IGF1R: variants seen among roughly 807,000 people sequenced by gnomAD.
IGF1R encodes the protein insulin like growth factor 1 receptor, also known as insulin-like growth factor 1 receptor.
In IGF1R, 44 loss-of-function variants were observed where a neutral mutation model predicts 144.6. The ratio of observed to expected loss-of-function variants is 0.30; its 90% CI spans 0.24 to 0.39. The LOEUF is 0.39. IGF1R is among the 10% of genes least tolerant of loss of function. The pLI is 1.00. For synonymous variants in IGF1R, 795 were observed against 722.8 expected (o/e 1.10, Z -1.60); for missense variants, 1,355 against 1,833.7 (o/e 0.74, Z 4.77).
In IGF1R at chr15:98,689,090, C is replaced by T. The variant is rs543463668; in HGVS notation, c.95-18472C>T. Among the ~76,000 whole-genome samples, 11 of 152,256 alleles carry T rather than the reference C, an allele frequency of 7.2e-5. 1 individual carries two copies. The highest frequency in any genetic ancestry group is 6.8e-3 in the Middle Eastern group (2 of 292). On this transcript the variant is annotated intron_variant, in intron 1 of 20. Coordinates refer to ENST00000650285, the MANE Select transcript of IGF1R (RefSeq NM_000875.5). ...TGTTAGTGAAATTAAATCACTTGATCTTAAAAGCAGCATGAAATAGCAGTT... is the reference window on the plus strand; with the variant it reads ...TGTTAGTGAAATTAAATCACTTGATTTTAAAAGCAGCATGAAATAGCAGTT...
chr15:98,820,400 C>T (rs2056779893), intron 2 of IGF1R, among the ~76,000 whole-genome samples: 1 of 152,248 alleles, frequency 6.6e-6, no homozygotes, highest in East Asian at 1.9e-4. Flanking sequence ...TTCTAAAGGA[C>T]GTTTTACATT....
chr15:98,809,311 C>A (rs892829898), intron 2 of IGF1R, among the ~76,000 whole-genome samples: 6 of 152,150 alleles, frequency 3.9e-5, no homozygotes, highest in Non-Finnish European at 8.8e-5. Flanking sequence ...TTCACTTTTC[C>A]CAAGGCAACC....
chr15:98,956,927 G>A (rs1034560087), intron 20 of IGF1R, 134 bp from the exon 21 acceptor site: 1 of 986,092 alleles, frequency 1.0e-6, no homozygotes, highest in Non-Finnish European at 1.6e-6. Flanking sequence ...CAGGGATGGA[G>A]AGGGGCAGCA....
At position 98,959,177 on chromosome 15, in the gene IGF1R, G is replaced by A. The variant is rs2017128657; in HGVS notation, c.*1735G>A. 4.3e-6 allele frequency: 1 copy of A among 233,330 alleles called. No individual in the cohort carries two copies. The highest frequency in any genetic ancestry group is 2.2e-5 in the African/African-American group (1 of 45,334). The allele number at this position is 233,330 out of a possible 1,614,324, so 14.5% of individuals were successfully genotyped here. On this transcript the variant is annotated 3_prime_UTR_variant, in exon 21 of 21. Transcript: ENST00000650285. ...CTCACCCTCTCTTTCCCTTGCCTTT[G>A]CTTAGGTTGTGACACACATATATAT...
chr15:98,962,087 C>T lies in IGF1R; in HGVS notation c.*4645C>T, dbSNP rs3743250. ...CAGTCCACCTCTGCAGGCTGGCAGCCGAATGGCTTGCCAGTGGCTCTGTGG... is the reference window on the plus strand; with the variant it reads ...CAGTCCACCTCTGCAGGCTGGCAGCTGAATGGCTTGCCAGTGGCTCTGTGG... On this transcript the variant is annotated 3_prime_UTR_variant, in exon 21 of 21. Coordinates refer to ENST00000650285, the MANE Select transcript of IGF1R (RefSeq NM_000875.5). 37,163 of 233,124 alleles carry T rather than the reference C, an allele frequency of 0.16. 3,450 individuals are homozygous for T. The highest frequency in any genetic ancestry group is 0.36 in the East Asian group (5,989 of 16,574). The allele number at this position is 233,124 out of a possible 1,614,324, so 14.4% of individuals were successfully genotyped here.
At position 98,911,335 on chromosome 15, in the gene IGF1R, T is replaced by C; in HGVS notation, c.1483T>C (p.Phe495Leu). 6.2e-7 allele frequency: 1 copy of C among 1,614,096 alleles called. No individual in the cohort carries two copies. The highest frequency in any genetic ancestry group is 8.5e-7 in the Non-Finnish European group (1 of 1,180,012). Residue 495 changes from phenylalanine to leucine, a missense_variant, in exon 7 of 21, where the codon TTC becomes CTC. Coordinates refer to ENST00000650285, the MANE Select transcript of IGF1R (RefSeq NM_000875.5). ...CCCAGGTGAAAGTGACGTCCTGCAT[T>C]TCACCTCCACCACCACGTCGAAGAA... ...RASCESDVLHFTSTTTSKNRI... is the reference protein window; with the variant it reads ...RASCESDVLHLTSTTTSKNRI...
chr15:98,839,127 C>T (rs1408738740), intron 2 of IGF1R, among the ~76,000 whole-genome samples: 3 of 152,238 alleles, frequency 2.0e-5, no homozygotes, highest in African/African-American at 7.2e-5. Context: ...ACAGCTGGAG[C>T]TGACACTCAT....
intron 1 of IGF1R, among the ~76,000 whole-genome samples, chr15:98,694,556 C>T (rs765224613): frequency 6.6e-5 from 10 of 152,054 alleles, no homozygotes; most frequent in African/African-American, 2.4e-5. Context: ...ATGCAGGTGC[C>T]AGTGACTGAC....
intron 2 of IGF1R, among the ~76,000 whole-genome samples, chr15:98,759,786 G>T (rs2055247261): frequency 6.6e-6 from 1 of 152,214 alleles, no homozygotes; most frequent in Admixed American, 6.5e-5. Flanking sequence ...GAAAGGTAAA[G>T]TGCCCGAACC....
intron 2 of IGF1R, among the ~76,000 whole-genome samples, chr15:98,869,363 G>A (rs953552457): frequency 7.3e-5 from 11 of 150,386 alleles, no homozygotes; most frequent in Admixed American, 1.3e-4. Context: ...GACCTGTATG[G>A]TCAAATTGGC....
At chr15:98,683,589 CATT>C (rs2053245097) in intron 1 of IGF1R, among the ~76,000 whole-genome samples, 2 of 152,162 alleles carry the variant, frequency 1.3e-5, no homozygotes, top group Admixed American at 6.6e-5. Context: ...TTGAGAAAAT[CATT>C]GTTGAAGTTT....
intron 2 of IGF1R, among the ~76,000 whole-genome samples, chr15:98,814,024 C>T (rs937626023): frequency 6.6e-6 from 1 of 152,198 alleles, no homozygotes; most frequent in Non-Finnish European, 1.5e-5. Flanking sequence ...AATGCTGAAG[C>T]ACAAGCAAAT....
chr15:98,649,483 T>G lies in IGF1R; in HGVS notation c.-99T>G. On this transcript the variant is annotated 5_prime_UTR_variant, in exon 1 of 21. Coordinates refer to ENST00000650285, the MANE Select transcript of IGF1R (RefSeq NM_000875.5). ...TTTGGAGGGGGAGCGAAGACTGAGT[T>G]TGAGACTTGTTTCCTTTCATTTCCT... 1.2e-6 allele frequency: 1 copy of G among 854,636 alleles called. No individual in the cohort carries two copies. The highest frequency in any genetic ancestry group is 1.9e-6 in the Non-Finnish European group (1 of 537,686). 52.9% of individuals were successfully genotyped at this position (854,636 alleles called of 1,614,324 possible).
At chr15:98,946,803 G>A (rs1208429670) in intron 19 of IGF1R, among the ~76,000 whole-genome samples, 1 of 152,226 alleles carries the variant, frequency 6.6e-6, no homozygotes, top group Non-Finnish European at 1.5e-5. Flanking sequence ...CTGGCTGCCT[G>A]CAAGCCGCTG....
intron 13 of IGF1R, among the ~76,000 whole-genome samples, chr15:98,925,978 G>A (rs2015701618): frequency 6.6e-6 from 1 of 152,018 alleles, no homozygotes; most frequent in Non-Finnish European, 1.5e-5. Context: ...ATTTCCAAAG[G>A]CAATGAAATA....
chr15:98,680,879 T>TA (rs2053170069), intron 1 of IGF1R, among the ~76,000 whole-genome samples: 1 of 149,258 alleles, frequency 6.7e-6, no homozygotes. Flanking sequence ...TTTTTTTTTT[T>TA]ATCCTTCTTA....
chr15:98,807,306 G>A (rs1450021788), intron 2 of IGF1R, among the ~76,000 whole-genome samples: 3 of 152,224 alleles, frequency 2.0e-5, no homozygotes, highest in African/African-American at 4.8e-5. Context: ...GAACCAGATC[G>A]TGTACATGTG....
chr15:98,921,475 G>A (rs1396341889), intron 10 of IGF1R, among the ~76,000 whole-genome samples: 1 of 152,114 alleles, frequency 6.6e-6, no homozygotes, highest in Admixed American at 6.5e-5. Context: ...ACCTTGATGA[G>A]GCCACAGGTG....
chr15:98,923,268 G>T (rs2015566029), intron 11 of IGF1R, among the ~76,000 whole-genome samples: 1 of 152,268 alleles, frequency 6.6e-6, no homozygotes, highest in African/African-American at 2.4e-5. Context: ...GCCAGCCGCT[G>T]GAGGAGTTGG....
Sources: allele counts gnomAD v4.1 joint callset (sites outside exome capture counted in the v4.1 genomes callset), GRCh38; gene constraint gnomAD v4.1.1; transcripts MANE v1.5; gene names NCBI Gene and HGNC (gene_info 2026-07-23, HGNC 2026-07-21).